Variants in KCNU1 observed in about 807,000 individuals in gnomAD.
KCNU1 encodes potassium channel subfamily U member 1.
In KCNU1, 93 loss-of-function variants were observed where a neutral mutation model predicts 126.8. The observed-to-expected ratio is 0.73, with a 90% CI of 0.62 to 0.87. The LOEUF (loss-of-function observed/expected upper bound fraction) is 0.87. KCNU1 is among the 40% of genes least tolerant of loss of function. The pLI is 0.00. For synonymous variants in KCNU1, 523 were observed against 494.2 expected, an observed-to-expected ratio of 1.06 and a Z score of -0.77; for missense variants, 1,330 against 1,367.1, an observed-to-expected ratio of 0.97 and a Z score of 0.43.
chr8:36,872,473 T>A (rs1806138778), intron 19 of KCNU1, among the ~76,000 whole-genome samples: 2 of 152,100 alleles, frequency 1.3e-5, no homozygotes, highest in African/African-American at 4.8e-5. Flanking sequence ...AACTGTAGAT[T>A]GTCAGATCAC....
chr8:36,923,325 A>C (rs984642930), intron 24 of KCNU1, among the ~76,000 whole-genome samples: 1 of 152,190 alleles, frequency 6.6e-6, no homozygotes, highest in African/African-American at 2.4e-5. Flanking sequence ...GGGGATTGAC[A>C]TGTGCATGAT....
chr8:36,931,881 T>A (rs1808713599), intron 25 of KCNU1, among the ~76,000 whole-genome samples: 1 of 152,082 alleles, frequency 6.6e-6, no homozygotes, highest in Non-Finnish European at 1.5e-5. Context: ...TCTGGAAAAT[T>A]CTAACAGGGC....
At position 36,918,896 on chromosome 8, in the gene KCNU1, G is replaced by A. The variant is rs750305785; in HGVS notation, c.2595G>A (p.Leu865=). The change falls in exon 23 of 27, where the codon CTG becomes CTA. Residue 865 remains leucine (L), a splice_region_variant and synonymous_variant. Transcript: ENST00000399881. ...NCRKVPILTE[L]KNPSNIHFIE... ...GAAAAGTCCCTATCCTTACTGAACT[G>A]AGTAAGTGGTGTTTCGAGGGGAAAA... The A allele has an allele frequency of 6.3e-7, 1 of 1,575,792 alleles. No homozygotes were observed. Among genetic ancestry groups the A allele is most frequent in the Admixed American group, 1.7e-5 (1 of 59,658 alleles).
chr8:36,931,093 G>T lies in KCNU1; in HGVS notation c.2879G>T (p.Arg960Leu). The T allele has an allele frequency of 6.2e-7, 1 of 1,611,276 alleles. No homozygotes were observed. The highest frequency in any genetic ancestry group is 8.5e-7 in the Non-Finnish European group (1 of 1,178,476). ...SCTSLLSGRN[R>L]CKLGLLSLHE... The stretch of plus-strand genomic sequence containing the variant: ...ACGTCGCTCTTGTCTGGAAGAAACC[G>T]GTGTAAGCTGGGGCTTCTGTCCTTA... The change falls in exon 25 of 27, where the codon CGG (arginine) becomes CTG (leucine). Residue 960 changes from arginine (R) to leucine (L), a missense_variant. Physicochemically the swap from Arg to Leu is moderately radical, Grantham distance 102 (BLOSUM62 -2). Coordinates refer to ENST00000399881, the MANE Select transcript of KCNU1 (RefSeq NM_001031836.3).
Position 36,823,353 on chromosome 8 carries a change from T to G in KCNU1, c.1106+5593T>G, listed in dbSNP as rs189515346. ...TTAATATTTCTTCAAATTTTAAGTCTAAATTTTACCACTTTTTGATTCCTC... is the reference window on the plus strand; with the variant it reads ...TTAATATTTCTTCAAATTTTAAGTCGAAATTTTACCACTTTTTGATTCCTC... On this transcript the variant is annotated intron_variant, in intron 10 of 26. Transcript: ENST00000399881. 2.0e-3 allele frequency among the ~76,000 whole-genome samples: 308 copies of G among 152,312 alleles called. 5 individuals are homozygous for G. Among genetic ancestry groups the G allele is most frequent in the African/African-American group, 5.9e-3 (247 of 41,578 alleles).
Position 36,840,562 on chromosome 8 carries a change from C to T in KCNU1, c.1618C>T (p.Pro540Ser). The change falls in exon 15 of 27, where the codon CCT becomes TCT. Residue 540 changes from proline (P) to serine (S), a missense_variant. Physicochemically the swap from Pro to Ser is moderately conservative, Grantham distance 74. Coordinates refer to ENST00000399881, the MANE Select transcript of KCNU1 (RefSeq NM_001031836.3). ...LSDDFAGMSF[P>S]EVARLCFLKM... ...TGATGACTTTGCTGGAATGAGCTTT[C>T]CTGAAGTTGCCCGGTAAGTGAAGTG... 6.2e-7 allele frequency: 1 copy of T among 1,603,064 alleles called. No homozygotes were observed. Among genetic ancestry groups the T allele is most frequent in the Non-Finnish European group, 8.5e-7 (1 of 1,170,442 alleles).
chr8:36,823,414 A>C (rs984430447), intron 10 of KCNU1, among the ~76,000 whole-genome samples: 4 of 152,122 alleles, frequency 2.6e-5, no homozygotes, highest in South Asian at 2.1e-4. Flanking sequence ...TCAGATTTGC[A>C]AATGAGAATT....
chr8:36,796,095 T>A (rs1395888960), intron 2 of KCNU1, among the ~76,000 whole-genome samples: 1 of 152,250 alleles, frequency 6.6e-6, no homozygotes, highest in Non-Finnish European at 1.5e-5. Context: ...TGATGCATAA[T>A]TCATCTTTTC....
intron 12 of KCNU1, among the ~76,000 whole-genome samples, chr8:36,835,140 A>G (rs1804700233): frequency 6.6e-6 from 1 of 152,208 alleles, no homozygotes; most frequent in South Asian, 2.1e-4. Flanking sequence ...TTTAAGAAGC[A>G]AGCATACAAA....
intron 10 of KCNU1, among the ~76,000 whole-genome samples, chr8:36,825,884 G>T (rs1193360003): frequency 6.6e-6 from 1 of 151,520 alleles, no homozygotes; most frequent in African/African-American, 2.4e-5. Flanking sequence ...GACTTCTGTT[G>T]TTGCTATGAA....
rs376354052 is a variant in KCNU1 at position 36,845,530 on chromosome 8, C to T, written c.1704-50C>T. On this transcript the variant is annotated intron_variant, in intron 16 of 26. Coordinates refer to ENST00000399881, the MANE Select transcript of KCNU1 (RefSeq NM_001031836.3). ...TAACAGAAAGAGGCACCAACTGTTG[C>T]CACTGAAATCAGAGGGAAACATTAC... 73 of 1,081,246 alleles carry T rather than the reference C, an allele frequency of 6.8e-5. 3 individuals carry two copies. In the South Asian group the frequency reaches 8.3e-4, roughly 12 times the overall value. The allele number at this position is 1,081,246 out of a possible 1,614,324, so 67.0% of individuals were successfully genotyped here.
At chr8:36,882,624 C>T (rs1472865923) in intron 19 of KCNU1, among the ~76,000 whole-genome samples, 1 of 151,958 alleles carries the variant, frequency 6.6e-6, no homozygotes, top group African/African-American at 2.4e-5. Flanking sequence ...GCTCTTGTTG[C>T]CCAGGCTGGA....
intron 19 of KCNU1, among the ~76,000 whole-genome samples, chr8:36,868,727 T>C (rs2117355034): frequency 1.3e-5 from 2 of 152,298 alleles, no homozygotes; most frequent in East Asian, 1.9e-4. Context: ...GACTGTTTAA[T>C]AGATGGTAGT....
intron 19 of KCNU1, among the ~76,000 whole-genome samples, chr8:36,875,435 AC>A (rs1428030946): frequency 6.7e-6 from 1 of 149,422 alleles, no homozygotes; most frequent in Non-Finnish European, 1.5e-5. Context: ...TAACATATAT[AC>A]ATTACAGAGA....
Position 36,787,342 on chromosome 8 carries a change from G to A in KCNU1, c.232G>A (p.Val78Ile), listed in dbSNP as rs185215022. The change falls in exon 2 of 27, where the codon GTA becomes ATA. Residue 78 changes from valine to isoleucine, a missense_variant. By Grantham distance (29) the Val-to-Ile change is conservative. Transcript: ENST00000399881. ...FTSGTIARSH[V>I]RSLHFQGQFR... is the part of the protein sequence containing the mutation. Reference sequence around the variant, plus strand: ...ATCAGGTACCATCGCTAGGAGCCATGTAAGAAGCCTCCACTTCCAGGGACA... The same window carrying A: ...ATCAGGTACCATCGCTAGGAGCCATATAAGAAGCCTCCACTTCCAGGGACA... 3.1e-6 allele frequency: 5 copies of A among 1,612,136 alleles called. No individual in the cohort carries two copies. Among genetic ancestry groups the A allele is most frequent in the South Asian group, 1.1e-5 (1 of 90,818 alleles).
chr8:36,876,300 A>G (rs1806276089), intron 19 of KCNU1, among the ~76,000 whole-genome samples: 1 of 152,224 alleles, frequency 6.6e-6, no homozygotes, highest in Admixed American at 6.5e-5. Context: ...TAATTGGGAA[A>G]GATTTGGGTG....
chr8:36,913,510 G>A (rs980700805), intron 22 of KCNU1, among the ~76,000 whole-genome samples: 9 of 152,104 alleles, frequency 5.9e-5, no homozygotes, highest in African/African-American at 1.2e-4. Context: ...TTTGTGTGAC[G>A]GGGAAATATA....
intron 19 of KCNU1, among the ~76,000 whole-genome samples, chr8:36,881,683 C>A (rs1283715017): frequency 6.6e-6 from 1 of 152,068 alleles, no homozygotes; most frequent in Non-Finnish European, 1.5e-5. Context: ...AATTCAAATT[C>A]ATTGCTCACC....
At chr8:36,820,557 A>C (rs2130488759) in intron 10 of KCNU1, among the ~76,000 whole-genome samples, 1 of 152,214 alleles carries the variant, frequency 6.6e-6, no homozygotes, top group South Asian at 2.1e-4. Context: ...GATTTCCCAA[A>C]AGAAAGTCAT....
Sources: allele counts gnomAD v4.1 joint callset (sites outside exome capture counted in the v4.1 genomes callset), GRCh38; gene constraint gnomAD v4.1.1; transcripts MANE v1.5; gene names NCBI Gene and HGNC (gene_info 2026-07-23, HGNC 2026-07-21).